ATP6V0D1: variants seen among roughly 807,000 people sequenced by gnomAD.
ATP6V0D1 encodes the protein ATPase H+ transporting V0 subunit d1.
Under a neutral mutation model 39.0 loss-of-function variants are expected in ATP6V0D1, and 13 were observed. The ratio of observed to expected loss-of-function variants is 0.33; its 90% CI spans 0.22 to 0.53. The LOEUF (loss-of-function observed/expected upper bound fraction) is 0.53, where lower values mean the gene tolerates loss of function less well. Ranked by LOEUF, ATP6V0D1 falls within the 20% of genes least tolerant of loss-of-function variation. The pLI, the probability that ATP6V0D1 is intolerant of heterozygous loss-of-function variation, is 0.94. For missense variants in ATP6V0D1, 272 were observed against 470.9 expected, an observed-to-expected ratio of 0.58 and a Z score of 3.91; for synonymous variants, 191 against 191.2, an observed-to-expected ratio of 1.00 and a Z score of 0.01.
At chr16:67,445,625 G>A (rs1171896068) in intron 2 of ATP6V0D1, among the ~76,000 whole-genome samples, 1 of 152,200 alleles carries the variant, frequency 6.6e-6, no homozygotes, top group Non-Finnish European at 1.5e-5. Flanking sequence ...GCTGGGTCAG[G>A]TCGATCCCAG....
intron 1 of ATP6V0D1, among the ~76,000 whole-genome samples, chr16:67,464,903 C>T (rs1278410606): frequency 1.3e-5 from 2 of 152,248 alleles, no homozygotes; most frequent in Non-Finnish European, 2.9e-5. Flanking sequence ...CCAATCTGCC[C>T]AGCGGTCCTC....
intron 1 of ATP6V0D1, chr16:67,455,186 T>C (rs2041225574): frequency 6.6e-6 from 1 of 152,100 alleles, no homozygotes; most frequent in Admixed American, 6.6e-5. Flanking sequence ...TGGGACCACC[T>C]CCACACGCTG....
chr16:67,462,827 CA>C (rs397969611), intron 1 of ATP6V0D1, among the ~76,000 whole-genome samples: 3,768 of 100,068 alleles, frequency 0.038, 41 homozygotes, highest in Middle Eastern at 0.071. Context: ...GACTCTGTCT[CA>C]AAAAAAAAAA....
intron 1 of ATP6V0D1, among the ~76,000 whole-genome samples, chr16:67,462,151 C>T (rs965600470): frequency 4.6e-5 from 7 of 152,164 alleles, no homozygotes; most frequent in Non-Finnish European, 1.0e-4. Flanking sequence ...GTCACCAGGC[C>T]GTCCCCACCC....
intron 4 of ATP6V0D1, chr16:67,440,899 C>T (rs1449544618): frequency 6.6e-6 from 1 of 152,294 alleles, no homozygotes; most frequent in Non-Finnish European, 1.5e-5. Flanking sequence ...AGCTGCCAAC[C>T]CCTCCCATGG....
chr16:67,438,941 A>G, intron 6 of ATP6V0D1, 30 bp downstream of exon 6: 2 of 1,613,506 alleles, frequency 1.2e-6, no homozygotes, highest in Non-Finnish European at 1.7e-6. Flanking sequence ...CAACACATCC[A>G]ACCGCTGTCC....
intron 1 of ATP6V0D1, among the ~76,000 whole-genome samples, chr16:67,458,696 G>A (rs1243719939): frequency 6.6e-6 from 1 of 152,170 alleles, no homozygotes; most frequent in Non-Finnish European, 1.5e-5. Flanking sequence ...TTCAAAAGAT[G>A]CTGCTGCTCT....
intron 1 of ATP6V0D1, chr16:67,455,499 A>G (rs1480502973): frequency 6.6e-6 from 1 of 152,174 alleles, no homozygotes; most frequent in East Asian, 1.9e-4. Context: ...CTGGGCACTC[A>G]TGGAGTGAAC....
intron 1 of ATP6V0D1, among the ~76,000 whole-genome samples, chr16:67,476,378 A>G (rs983371645): frequency 6.6e-6 from 1 of 152,368 alleles, no homozygotes; most frequent in Non-Finnish European, 1.5e-5. Context: ...TAACAAATAC[A>G]TTAAAAACCA....
chr16:67,467,503 C>CA lies in ATP6V0D1; in HGVS notation c.130+13453dup, dbSNP rs926836473. ...CTGGCAACAGAGTGAGACTCTGTCT[C>CA]AAAAAAAAAAAAGAGCTGTCACTCA... is the stretch of plus-strand genomic sequence containing the variant. On this transcript the variant is annotated intron_variant, in intron 1 of 7. Coordinates refer to ENST00000290949, the MANE Select transcript of ATP6V0D1 (RefSeq NM_004691.5). Among the ~76,000 whole-genome samples the CA allele has an allele frequency of 4.0e-3, 556 of 138,618 alleles. 5 individuals are homozygous for CA. The highest frequency in any genetic ancestry group is 0.012 in the African/African-American group (437 of 37,780). 90.9% of individuals were successfully genotyped at this position (138,618 alleles called of 152,430 possible).
intron 2 of ATP6V0D1, chr16:67,445,968 A>G (rs954370396): frequency 2.2e-6 from 1 of 455,708 alleles, no homozygotes; most frequent in African/African-American, 2.0e-5. Context: ...TGAGGCACCT[A>G]TGGGATAAAA....
intron 1 of ATP6V0D1, among the ~76,000 whole-genome samples, chr16:67,471,824 C>T (rs958688484): frequency 6.6e-6 from 1 of 150,766 alleles, no homozygotes; most frequent in African/African-American, 2.4e-5. Flanking sequence ...GAGATTGGGC[C>T]GGGGGGTGGT....
intron 1 of ATP6V0D1, chr16:67,459,290 TGA>T (rs2041270245): frequency 4.1e-6 from 4 of 984,050 alleles, no homozygotes; most frequent in African/African-American, 1.7e-5. Context: ...GCCTGGAAAG[TGA>T]GAGTCCCTGC....
At chr16:67,477,767 G>A (rs943376677) in intron 1 of ATP6V0D1, among the ~76,000 whole-genome samples, 7 of 152,134 alleles carry the variant, frequency 4.6e-5, no homozygotes, top group Non-Finnish European at 1.0e-4. Flanking sequence ...CCGCCTCCCG[G>A]GTTCACGCCA....
chr16:67,461,544 A>C (rs1198794451), intron 1 of ATP6V0D1, among the ~76,000 whole-genome samples: 1 of 152,224 alleles, frequency 6.6e-6, no homozygotes, highest in Non-Finnish European at 1.5e-5. Context: ...CTGGCAGGCC[A>C]GTAGTCTTGG....
intron 4 of ATP6V0D1, chr16:67,441,166 G>A (rs1328974193): frequency 6.6e-6 from 1 of 152,306 alleles, no homozygotes; most frequent in East Asian, 1.9e-4. Flanking sequence ...TCCTCTGGAG[G>A]CTAGGGCAGC....
intron 1 of ATP6V0D1, among the ~76,000 whole-genome samples, chr16:67,471,870 G>A (rs1410152808): frequency 6.6e-6 from 1 of 151,692 alleles, no homozygotes; most frequent in Non-Finnish European, 1.5e-5. Flanking sequence ...TCAAACTCCT[G>A]GGCTCAAGTG....
At chr16:67,458,281 T>C (rs905746729) in intron 1 of ATP6V0D1, among the ~76,000 whole-genome samples, 4 of 152,150 alleles carry the variant, frequency 2.6e-5, no homozygotes, top group Admixed American at 2.6e-4. Flanking sequence ...GAGGAGGGGA[T>C]GTGACTGGGA....
At chr16:67,454,998 T>C (rs1446662720) in intron 1 of ATP6V0D1, 1 of 152,322 alleles carries the variant, frequency 6.6e-6, no homozygotes, top group Admixed American at 6.5e-5. Context: ...CCTTGTGTTA[T>C]TCTTCTTAGC....
Sources: gnomAD v4.1 joint callset for allele counts (sites outside exome capture counted in the v4.1 genomes callset) on GRCh38, gnomAD v4.1.1 for gene constraint, MANE v1.5 for transcripts, NCBI Gene and HGNC (gene_info 2026-07-23, HGNC 2026-07-21) for gene names.